The following TENM4 variants were observed in gnomAD, a reference collection of about 807,000 sequenced individuals.
TENM4 encodes teneurin-4.
In TENM4, 82 loss-of-function variants were observed where a neutral mutation model predicts 243.3. That is an observed-to-expected ratio of 0.34 (90% CI 0.28 to 0.40). The LOEUF is 0.40. TENM4 is among the 10% of genes least tolerant of loss of function. TENM4 has a pLI of 1.00. For synonymous variants in TENM4, 1,412 were observed against 1,456.3 expected (o/e 0.97, Z 0.69); for missense variants, 3,138 against 3,673.3 (o/e 0.85, Z 3.77).
chr11:78,949,394 A>G (rs1039428285), intron 6 of TENM4, among the ~76,000 whole-genome samples: 3 of 152,380 alleles, frequency 2.0e-5, no homozygotes, highest in Middle Eastern at 6.8e-3. Flanking sequence ...AAATGAATAC[A>G]TACATTGAGA....
intron 15 of TENM4, among the ~76,000 whole-genome samples, chr11:78,794,392 A>G (rs948752078): frequency 1.3e-5 from 2 of 152,196 alleles, no homozygotes; most frequent in Admixed American, 6.5e-5. Flanking sequence ...GCAGCACTAA[A>G]CTATTGGCCT....
intron 4 of TENM4, among the ~76,000 whole-genome samples, chr11:79,079,364 A>AC (rs1404186426): frequency 6.6e-6 from 1 of 152,042 alleles, no homozygotes; most frequent in African/African-American, 2.4e-5. Flanking sequence ...GAGCTGCCTG[A>AC]CCCCCTAGAG....
Position 79,409,200 on chromosome 11 carries a change from G to GAAA in TENM4, c.-321+31306_-321+31308dup, listed in dbSNP as rs201108563. On this transcript the variant is annotated intron_variant, in intron 1 of 33. Coordinates refer to ENST00000278550, the MANE Select transcript of TENM4 (RefSeq NM_001098816.3). ...AATTTTGTTGTGAGCTTCTCTTCCA[G>GAAA]AAAAAAAAAAAAAGATTATACTAAG... Among the ~76,000 whole-genome samples the GAAA allele has an allele frequency of 6.9e-5, 9 of 130,764 alleles. 1 individual carries two copies. Among genetic ancestry groups the GAAA allele is most frequent in the Admixed American group, 4.7e-4 (6 of 12,842 alleles). The allele number at this position is 130,764 out of a possible 152,430, so 85.8% of individuals were successfully genotyped here. A position where few individuals can be genotyped will look rare whatever the true frequency, so the allele number is the denominator to read the frequency against.
intron 4 of TENM4, among the ~76,000 whole-genome samples, chr11:79,121,340 A>C (rs1018680455): frequency 6.6e-6 from 1 of 152,238 alleles, no homozygotes; most frequent in African/African-American, 2.4e-5. Flanking sequence ...CAGAAAGTTC[A>C]AGGTAAAACA....
At chr11:79,427,950 T>C (rs1271219584) in intron 1 of TENM4, among the ~76,000 whole-genome samples, 1 of 152,186 alleles carries the variant, frequency 6.6e-6, no homozygotes, top group East Asian at 1.9e-4. Context: ...ACAACAATAC[T>C]GACAAACGGT....
At chr11:79,112,143 A>C (rs975253800) in intron 4 of TENM4, among the ~76,000 whole-genome samples, 3 of 152,156 alleles carry the variant, frequency 2.0e-5, no homozygotes, top group Non-Finnish European at 4.4e-5. Flanking sequence ...CAGCAGTGCC[A>C]TCTTTGGACA....
chr11:78,675,765 G>C (rs1446624941), intron 30 of TENM4, among the ~76,000 whole-genome samples: 3 of 152,122 alleles, frequency 2.0e-5, no homozygotes, highest in Non-Finnish European at 4.4e-5. Flanking sequence ...AGCTATTATT[G>C]ACCACTTGCT....
At chr11:79,343,199 C>A (rs984536293) in intron 1 of TENM4, among the ~76,000 whole-genome samples, 4 of 152,224 alleles carry the variant, frequency 2.6e-5, no homozygotes, top group Admixed American at 6.5e-5. Flanking sequence ...ATTTACTGAC[C>A]ACTAAGCACT....
chr11:78,827,118 A>G (rs1360720084), intron 12 of TENM4, among the ~76,000 whole-genome samples: 2 of 152,258 alleles, frequency 1.3e-5, no homozygotes, highest in Admixed American at 1.3e-4. Flanking sequence ...CAATATCACT[A>G]TGAAATAATG....
chr11:79,395,656 CTT>C (rs1291068083), intron 1 of TENM4, among the ~76,000 whole-genome samples: 2 of 152,182 alleles, frequency 1.3e-5, no homozygotes, highest in East Asian at 3.9e-4. Context: ...GGTCCTACCT[CTT>C]GGATTTTACT....
rs76496867 is a variant in TENM4 at position 79,343,387 on chromosome 11, G to A, written c.-320-45844C>T. The stretch of plus-strand genomic sequence containing the variant: ...CACAAATGGAAAATGTTAGAGCTGG[G>A]TCACACACAGAGGTCTGCTGGCTCC... On this transcript the variant is annotated intron_variant, in intron 1 of 33. Coordinates refer to ENST00000278550, the MANE Select transcript of TENM4 (RefSeq NM_001098816.3). Among the ~76,000 whole-genome samples, 789 of 152,292 alleles carry A rather than the reference G, an allele frequency of 5.2e-3. 5 individuals carry two copies. Among genetic ancestry groups the A allele is most frequent in the African/African-American group, 0.018 (753 of 41,546 alleles).
chr11:78,701,495 AATCATCAAATG>A lies in TENM4; in HGVS notation c.5087+20_5087+30del. 1.6e-5 allele frequency: 25 copies of A among 1,530,260 alleles called. No individual in the cohort carries two copies. Among genetic ancestry groups the A allele is most frequent in the Non-Finnish European group, 2.1e-5 (24 of 1,135,928 alleles). The allele number at this position is 1,530,260 out of a possible 1,614,324, so 94.8% of individuals were successfully genotyped here. A position where few individuals can be genotyped will look rare whatever the true frequency, so the allele number is the denominator to read the frequency against. ...ATCCTACAATGAATTAATGAAACAA[AATCATCAAATG>A]GCCTTGTTTTAGTACTTACTCATAA... is the stretch of plus-strand genomic sequence containing the variant. On this transcript the variant is annotated intron_variant, in intron 28 of 33. Transcript: ENST00000278550.
chr11:79,137,038 G>C (rs762039187), intron 4 of TENM4, among the ~76,000 whole-genome samples: 8 of 152,136 alleles, frequency 5.3e-5, no homozygotes, highest in Non-Finnish European at 1.0e-4. Flanking sequence ...CCAGGAATCA[G>C]GGGGTGGAAG....
In TENM4 at chr11:78,983,452, TTTTG is replaced by T. The variant is rs567589333; in HGVS notation, c.494-79933_494-79930del. Among the ~76,000 whole-genome samples, 70 of 152,400 alleles carry T rather than the reference TTTTG, an allele frequency of 4.6e-4. No individual in the cohort carries two copies. The South Asian group carries it at 0.013, about 27-fold the overall frequency. On this transcript the variant is annotated intron_variant, in intron 6 of 33. Transcript: ENST00000278550. ...AGCTAAACTGTGCCCTAGTCTGTGC[TTTTG>T]TTTGTCATCCATTCGACGACACATT...
intron 20 of TENM4, among the ~76,000 whole-genome samples, chr11:78,737,939 A>G (rs966143719): frequency 2.6e-5 from 4 of 152,224 alleles, no homozygotes; most frequent in African/African-American, 9.6e-5. Context: ...AAGCCAAGAC[A>G]CAGAGAGGTA....
At chr11:79,413,203 T>G (rs986914729) in intron 1 of TENM4, among the ~76,000 whole-genome samples, 3 of 152,222 alleles carry the variant, frequency 2.0e-5, no homozygotes, top group Non-Finnish European at 4.4e-5. Context: ...GCACCTTGTG[T>G]TCCAAATCTG....
intron 3 of TENM4, among the ~76,000 whole-genome samples, chr11:79,154,131 T>C (rs1862558698): frequency 8.3e-6 from 1 of 120,854 alleles, no homozygotes; most frequent in South Asian, 2.9e-4. Context: ...ATACCTGATG[T>C]TGGGTAATTA....
chr11:78,993,361 C>T (rs7935577), intron 6 of TENM4, among the ~76,000 whole-genome samples: 60,833 of 151,920 alleles, frequency 0.4, 12,842 homozygotes, highest in East Asian at 0.73. Context: ...AATTTTATTA[C>T]GGTTTTGTGT....
chr11:79,140,564 C>T (rs924711849), intron 4 of TENM4, among the ~76,000 whole-genome samples: 1 of 152,098 alleles, frequency 6.6e-6, no homozygotes, highest in East Asian at 1.9e-4. Context: ...TTTCCCTTTT[C>T]TGGGCTGCTC....
Sources: allele counts gnomAD v4.1 joint callset (sites outside exome capture counted in the v4.1 genomes callset), GRCh38; gene constraint gnomAD v4.1.1; transcripts MANE v1.5; gene names NCBI Gene and HGNC (gene_info 2026-07-23, HGNC 2026-07-21).